Variants in SNX29 observed in about 807,000 individuals in gnomAD.
SNX29 encodes sorting nexin 29, also known as sorting nexin-29.
SNX29 carries 78 observed loss-of-function variants against 102.1 expected under a neutral mutation model. That is an observed-to-expected ratio of 0.76 (90% CI 0.64 to 0.92). The LOEUF is 0.92. Ranked by LOEUF, SNX29 falls within the 40% of genes least tolerant of loss-of-function variation. The probability of loss-of-function intolerance (pLI) is 0.00; values close to 1 mark genes in which losing one functional copy is unlikely to be tolerated. For missense variants in SNX29, 1,280 were observed against 1,061.7 expected (o/e 1.21, Z -2.86); for synonymous variants, 580 against 414.5 (o/e 1.40, Z -4.85).
At chr16:12,540,937 T>C (rs959563911) in intron 20 of SNX29, among the ~76,000 whole-genome samples, 2 of 152,154 alleles carry the variant, frequency 1.3e-5, no homozygotes, top group Non-Finnish European at 2.9e-5. Flanking sequence ...CTGCCCACTT[T>C]TGGGGTCAGG....
intron 11 of SNX29, among the ~76,000 whole-genome samples, chr16:12,095,501 T>C (rs2052730092): frequency 1.3e-5 from 2 of 152,174 alleles, no homozygotes. Flanking sequence ...AGCAGTGGTC[T>C]TTTCTAGTTG....
chr16:12,538,871 G>T (rs556552140), intron 20 of SNX29, among the ~76,000 whole-genome samples: 3 of 151,346 alleles, frequency 2.0e-5, no homozygotes, highest in African/African-American at 7.3e-5. Context: ...CGGTAGATGG[G>T]GCCATTTGTA....
intron 20 of SNX29, among the ~76,000 whole-genome samples, chr16:12,551,452 A>C (rs978990958): frequency 6.6e-6 from 1 of 152,204 alleles, no homozygotes; most frequent in Non-Finnish European, 1.5e-5. Flanking sequence ...CATGCTTTTA[A>C]AAATACAGAG....
intron 20 of SNX29, chr16:12,561,115 C>G (rs2078701047): frequency 4.4e-6 from 1 of 227,516 alleles, no homozygotes; most frequent in Non-Finnish European, 8.7e-6. Flanking sequence ...TCACGGGGCA[C>G]CCATCACGCA....
At chr16:12,174,123 A>G (rs2076209629) in intron 13 of SNX29, among the ~76,000 whole-genome samples, 1 of 152,196 alleles carries the variant, frequency 6.6e-6, no homozygotes, top group Non-Finnish European at 1.5e-5. Flanking sequence ...GCAAGTCTGA[A>G]TAACCCAAGG....
chr16:12,416,860 C>T lies in SNX29; in HGVS notation c.2037+13331C>T, dbSNP rs149511802. Among the ~76,000 whole-genome samples the T allele has an allele frequency of 3.7e-3, 557 of 152,324 alleles. 2 individuals are homozygous for T. Among genetic ancestry groups the T allele is most frequent in the African/African-American group, 0.013 (538 of 41,570 alleles). On this transcript the variant is annotated intron_variant, in intron 18 of 20. Transcript: ENST00000566228. ...ATTCATGAGGCATCTGCCCCATGCC[C>T]CAGACACCTCCCACTAGGCCCACCT... is the stretch of plus-strand genomic sequence containing the variant.
rs2079213098 is a variant in SNX29, at chr16:12,572,680, G to A, written c.*4051G>A. 2.8e-6 allele frequency: 3 copies of A among 1,063,790 alleles called. No individual in the cohort carries two copies. Among genetic ancestry groups the A allele is most frequent in the African/African-American group, 1.6e-5 (1 of 61,052 alleles). 65.9% of individuals were successfully genotyped at this position (1,063,790 alleles called of 1,614,324 possible). On this transcript the variant is annotated 3_prime_UTR_variant, in exon 21 of 21. Transcript: ENST00000566228. The stretch of plus-strand genomic sequence containing the variant: ...TGTGAGCTGCAGCACCCACACGGGG[G>A]AAGCCCTGCACTCCAGCAGCATCTT...
intron 19 of SNX29, among the ~76,000 whole-genome samples, chr16:12,489,696 T>G (rs1024478919): frequency 6.6e-6 from 1 of 152,232 alleles, no homozygotes; most frequent in Non-Finnish European, 1.5e-5. Context: ...ATTTGATTTC[T>G]TTTCTTTTGT....
At chr16:12,473,918 A>G (rs529174279) in intron 18 of SNX29, among the ~76,000 whole-genome samples, 1 of 152,318 alleles carries the variant, frequency 6.6e-6, no homozygotes, top group African/African-American at 2.4e-5. Context: ...AAAATGGGCA[A>G]CCAGCAGCTC....
chr16:12,205,277 G>A (rs1294050883), intron 14 of SNX29, among the ~76,000 whole-genome samples: 1 of 152,176 alleles, frequency 6.6e-6, no homozygotes, highest in African/African-American at 2.4e-5. Context: ...AAGATGTCTC[G>A]TTTGAGGCAG....
chr16:12,543,001 C>T (rs1597856068), intron 20 of SNX29, among the ~76,000 whole-genome samples: 1 of 152,146 alleles, frequency 6.6e-6, no homozygotes, highest in Non-Finnish European at 1.5e-5. Context: ...AGTCCAGGGA[C>T]TTGGCTAGCT....
At chr16:12,539,191 G>C (rs1016150857) in intron 20 of SNX29, among the ~76,000 whole-genome samples, 1 of 152,188 alleles carries the variant, frequency 6.6e-6, no homozygotes, top group African/African-American at 2.4e-5. Flanking sequence ...CACATGCATA[G>C]ATTTGAGTAA....
chr16:12,314,545 C>CT (rs1209640064), intron 15 of SNX29, among the ~76,000 whole-genome samples: 1 of 152,198 alleles, frequency 6.6e-6, no homozygotes, highest in Non-Finnish European at 1.5e-5. Flanking sequence ...GTTGTGAGGA[C>CT]TAAATGAGTT....
At chr16:12,467,623 AGTTC>A (rs958114572) in intron 18 of SNX29, among the ~76,000 whole-genome samples, 5 of 150,318 alleles carry the variant, frequency 3.3e-5, no homozygotes, top group East Asian at 2.0e-4. Flanking sequence ...TTCGTTCGTT[AGTTC>A]GTTCGTTCGT....
At chr16:12,080,692 CTTT>C (rs34209588) in intron 11 of SNX29, among the ~76,000 whole-genome samples, 5 of 134,680 alleles carry the variant, frequency 3.7e-5, no homozygotes, top group Admixed American at 7.4e-5. Context: ...CTACAGTTTA[CTTT>C]TTTTTTTTTT....
At chr16:12,449,931 A>G (rs1036560155) in intron 18 of SNX29, among the ~76,000 whole-genome samples, 12 of 152,214 alleles carry the variant, frequency 7.9e-5, no homozygotes, top group African/African-American at 2.9e-4. Context: ...TGTAGCTTCC[A>G]TAATTCCCCA....
At chr16:12,304,556 G>A (rs1185170056) in intron 15 of SNX29, among the ~76,000 whole-genome samples, 1 of 152,218 alleles carries the variant, frequency 6.6e-6, no homozygotes, top group African/African-American at 2.4e-5. Flanking sequence ...CCAGGGCTGA[G>A]CATGTAAATG....
intron 13 of SNX29, among the ~76,000 whole-genome samples, chr16:12,185,268 G>GATCCTA (rs2076482828): frequency 6.6e-6 from 1 of 152,150 alleles, no homozygotes. Flanking sequence ...ATCTTTGGGG[G>GATCCTA]AACTGGAGGG....
intron 11 of SNX29, among the ~76,000 whole-genome samples, chr16:12,121,580 C>T (rs775648434): frequency 2.6e-5 from 4 of 152,208 alleles, no homozygotes; most frequent in Non-Finnish European, 5.9e-5. Context: ...TTGACATTTC[C>T]AACACCTGCC....
Sources: allele counts gnomAD v4.1 joint callset (sites outside exome capture counted in the v4.1 genomes callset), GRCh38; gene constraint gnomAD v4.1.1; transcripts MANE v1.5; gene names NCBI Gene and HGNC (gene_info 2026-07-23, HGNC 2026-07-21).